Variants in FAAH2 observed in about 807,000 individuals in gnomAD.
The protein encoded by FAAH2 is fatty-acid amide hydrolase 2.
In FAAH2, 60 loss-of-function variants were observed where a neutral mutation model predicts 36.9. That is an observed-to-expected ratio of 1.63 (90% CI 1.32 to 2.02). The LOEUF is 2.02. Among genes scored for constraint, FAAH2 ranks in the 30% most tolerant of loss-of-function variants. The pLI, the probability that FAAH2 is intolerant of heterozygous loss-of-function variation, is 0.00. For missense variants in FAAH2, 689 were observed against 397.5 expected (o/e 1.73, Z -6.23); for synonymous variants, 214 against 143.8 (o/e 1.49, Z -3.49).
intron 5 of FAAH2, among the ~76,000 whole-genome samples, chrX:57,360,671 T>G (rs1252256630): frequency 2.7e-5 from 3 of 111,532 alleles, no homozygotes; most frequent in Non-Finnish European, 3.8e-5. Flanking sequence ...TAAATTTTCT[T>G]AATTTTACTT....
chrX:57,341,175 G>C, intron 4 of FAAH2, 96 bp from the exon 5 acceptor site: 2 of 922,439 alleles, frequency 2.2e-6, no homozygotes, highest in Admixed American at 3.4e-5. Context: ...TGGATCTAAA[G>C]ACACAAAAAG....
the FAAH2 span, among the ~76,000 whole-genome samples, chrX:57,223,791 C>T: frequency 5.4e-5 from 6 of 112,029 alleles, no homozygotes; most frequent in Non-Finnish European, 9.4e-5. Context: ...GCATATAATT[C>T]TCCGTTTTGG....
At chrX:57,360,831 C>T (rs1196204858) in intron 5 of FAAH2, among the ~76,000 whole-genome samples, 4 of 110,277 alleles carry the variant, frequency 3.6e-5, no homozygotes, top group African/African-American at 3.3e-5. Flanking sequence ...TCCCCTCACC[C>T]CCACCCACCG....
intron 2 of FAAH2, among the ~76,000 whole-genome samples, chrX:57,295,840 C>G (rs935149922): frequency 8.9e-6 from 1 of 112,454 alleles, no homozygotes; most frequent in African/African-American, 3.2e-5. Context: ...GTCCTACGCC[C>G]ACGGAGCCTC....
intron 5 of FAAH2, among the ~76,000 whole-genome samples, chrX:57,353,255 G>T (rs2054071897): frequency 1.8e-5 from 2 of 109,298 alleles, no homozygotes; most frequent in African/African-American, 3.3e-5. Context: ...AGATGCATAG[G>T]TCAATGGTAC....
chrX:57,198,676 T>A, the FAAH2 span, among the ~76,000 whole-genome samples: 2 of 112,399 alleles, frequency 1.8e-5, no homozygotes, highest in African/African-American at 6.5e-5. Flanking sequence ...TCTCCATGTG[T>A]TTCGTCCCCA....
Position 57,447,040 on chromosome X carries a change from G to T in FAAH2, c.1228+1G>T. The T allele has an allele frequency of 8.6e-7, 1 of 1,161,616 alleles. No homozygotes were observed. The highest frequency in any genetic ancestry group is 1.2e-6 in the Non-Finnish European group (1 of 856,477). ...TCAGTGTACACCATCCCTTCCATTG[G>T]TATGTAAATCATATTCTACCTAGAC... On this transcript the variant is annotated splice_donor_variant, in intron 9 of 10. Coordinates refer to ENST00000374900, the MANE Select transcript of FAAH2 (RefSeq NM_174912.4). LOFTEE classifies it high-confidence loss of function.
At chrX:57,439,888 G>T (rs1454441471) in intron 8 of FAAH2, among the ~76,000 whole-genome samples, 4 of 111,445 alleles carry the variant, frequency 3.6e-5, no homozygotes, top group South Asian at 3.8e-4. Flanking sequence ...TTTTTGTCAG[G>T]TTTGTCAAAG....
intron 2 of FAAH2, among the ~76,000 whole-genome samples, chrX:57,310,342 T>C (rs184299777): frequency 8.9e-6 from 1 of 111,831 alleles, no homozygotes; most frequent in African/African-American, 3.2e-5. Flanking sequence ...TATTTGTTTT[T>C]CTAATATAAA....
the FAAH2 span, among the ~76,000 whole-genome samples, chrX:57,210,154 T>C: frequency 2.4e-4 from 27 of 111,132 alleles, no homozygotes; most frequent in Non-Finnish European, 4.9e-4. Flanking sequence ...TGATTCTTGG[T>C]TCTTATGAAG....
the FAAH2 span, among the ~76,000 whole-genome samples, chrX:57,187,178 T>C: frequency 8.9e-6 from 1 of 112,084 alleles, no homozygotes; most frequent in African/African-American, 3.2e-5. Context: ...TTCACAATAT[T>C]GATTGTTTCT....
At chrX:57,192,798 A>G in the FAAH2 span, among the ~76,000 whole-genome samples, 3 of 111,888 alleles carry the variant, frequency 2.7e-5, no homozygotes, top group Admixed American at 9.5e-5. Context: ...TGCAGTCTCT[A>G]AAGATAAATT....
chrX:57,187,391 C>T, the FAAH2 span, among the ~76,000 whole-genome samples: 1 of 110,297 alleles, frequency 9.1e-6, no homozygotes, highest in African/African-American at 3.3e-5. Context: ...TATAGGAATG[C>T]TTGTAATTTT....
At chrX:57,340,619 G>A (rs759761697) in intron 4 of FAAH2, among the ~76,000 whole-genome samples, 2 of 112,009 alleles carry the variant, frequency 1.8e-5, no homozygotes, top group South Asian at 7.5e-4. Context: ...CCATGAAAAG[G>A]AACAAGATCA....
Position 57,392,871 on chromosome X carries a change from T to C in FAAH2, c.996+11842T>C, listed in dbSNP as rs886526519. On this transcript the variant is annotated intron_variant, in intron 7 of 10. Transcript: ENST00000374900. Reference sequence around the variant, plus strand: ...TGTTTTGGCCATGCAGATGGGGAGATTCCCAAAGCCCTGCTTTGTGTAGAC... The same window carrying C: ...TGTTTTGGCCATGCAGATGGGGAGACTCCCAAAGCCCTGCTTTGTGTAGAC... The C allele has an allele frequency of 3.5e-5, 28 of 788,824 alleles. No homozygotes were observed. The African/African-American group carries it at 5.7e-4, about 16-fold the overall frequency. The allele number at this position is 788,824 out of a possible 1,213,427, so 65.0% of individuals were successfully genotyped here. A position where few individuals can be genotyped will look rare whatever the true frequency, so the allele number is the denominator to read the frequency against.
At chrX:57,194,091 G>A in the FAAH2 span, among the ~76,000 whole-genome samples, 4 of 111,514 alleles carry the variant, frequency 3.6e-5, no homozygotes, top group Non-Finnish European at 7.5e-5. Flanking sequence ...AATCATTTGA[G>A]TAGGGTTGTA....
At chrX:57,159,396 T>C in the FAAH2 span, among the ~76,000 whole-genome samples, 1 of 111,884 alleles carries the variant, frequency 8.9e-6, no homozygotes, top group Non-Finnish European at 1.9e-5. Context: ...GGTAGCTTGA[T>C]GGGGATGGCA....
rs2053410457 is a variant in FAAH2 at position 57,331,667 on chromosome X, C to T, written c.482C>T (p.Ala161Val). The T allele has an allele frequency of 1.7e-6, 2 of 1,211,678 alleles. No homozygotes were observed. The highest frequency in any genetic ancestry group is 2.2e-6 in the Non-Finnish European group (2 of 895,383). Residue 161 changes from alanine to valine, a missense_variant, in exon 4 of 11, where the codon GCA becomes GTA. Coordinates refer to ENST00000374900, the MANE Select transcript of FAAH2 (RefSeq NM_174912.4). ...GCCAAAACAGATGCCACTGTGGTGG[C>T]ATTACTGAAGGGAGCTGGTGCCATT... is the stretch of plus-strand genomic sequence containing the variant. Reference protein sequence around the residue: ...AIAKTDATVVALLKGAGAIPL... With the variant: ...AIAKTDATVVVLLKGAGAIPL...
chrX:57,410,127 A>AT (rs1238900935), intron 7 of FAAH2, among the ~76,000 whole-genome samples: 3 of 107,055 alleles, frequency 2.8e-5, no homozygotes, highest in Admixed American at 9.9e-5. Context: ...TAGTTGACCC[A>AT]TTTTTTTTCA....
Sources: allele counts gnomAD v4.1 joint callset (sites outside exome capture counted in the v4.1 genomes callset), GRCh38; gene constraint gnomAD v4.1.1; transcripts MANE v1.5; gene names NCBI Gene and HGNC (gene_info 2026-07-23, HGNC 2026-07-21).